AGBL4: variants seen among roughly 807,000 people sequenced by gnomAD.
The protein encoded by AGBL4 is AGBL carboxypeptidase 4.
AGBL4 carries 58 observed loss-of-function variants against 66.4 expected under a neutral mutation model. That is an observed-to-expected ratio of 0.87 (90% CI 0.71 to 1.09). The LOEUF is 1.09. AGBL4 is among the 50% of genes least tolerant of loss of function. The pLI is 0.00. For missense variants in AGBL4, 579 were observed against 631.0 expected, an observed-to-expected ratio of 0.92 and a Z score of 0.88; for synonymous variants, 234 against 222.9, an observed-to-expected ratio of 1.05 and a Z score of -0.44.
At chr1:49,888,046 G>A (rs988201298) in intron 1 of AGBL4, among the ~76,000 whole-genome samples, 4 of 152,070 alleles carry the variant, frequency 2.6e-5, no homozygotes, top group East Asian at 3.9e-4. Flanking sequence ...ATTTTCAGAC[G>A]GGAGGCTAGC....
chr1:49,401,841 T>C (rs981548585), intron 3 of AGBL4, among the ~76,000 whole-genome samples: 4 of 152,194 alleles, frequency 2.6e-5, no homozygotes, highest in Admixed American at 6.5e-5. Context: ...GTTTTTATTA[T>C]GGCTTTGATT....
In AGBL4 at chr1:50,001,169, A is replaced by G. The variant is rs1014048930; in HGVS notation, c.34+22594T>C. ...TATGACCACATGTGTATATATATAT[A>G]TATGCACACTAAGTGTAAAATATTT... On this transcript the variant is annotated intron_variant, in intron 1 of 13. Coordinates refer to ENST00000371839, the MANE Select transcript of AGBL4 (RefSeq NM_032785.4). 9.9e-5 allele frequency among the ~76,000 whole-genome samples: 15 copies of G among 151,366 alleles called. No homozygotes were observed. In the South Asian group the frequency reaches 2.9e-3, roughly 29 times the overall value.
intron 6 of AGBL4, among the ~76,000 whole-genome samples, chr1:48,766,525 A>C (rs1364543265): frequency 6.6e-6 from 1 of 152,230 alleles, no homozygotes; most frequent in Non-Finnish European, 1.5e-5. Flanking sequence ...AACCATCACC[A>C]GGCACAACAG....
At chr1:49,931,980 C>A (rs1003209329) in intron 1 of AGBL4, among the ~76,000 whole-genome samples, 1 of 152,038 alleles carries the variant, frequency 6.6e-6, no homozygotes, top group Admixed American at 6.5e-5. Flanking sequence ...CGACATGAAA[C>A]TCAAGAAAAA....
intron 3 of AGBL4, among the ~76,000 whole-genome samples, chr1:49,518,387 C>A (rs1385524325): frequency 6.6e-6 from 1 of 152,078 alleles, no homozygotes; most frequent in African/African-American, 2.4e-5. Flanking sequence ...ATTTATTGAG[C>A]ATTTCCATTA....
chr1:48,628,911 C>T (rs1011371535), intron 9 of AGBL4, among the ~76,000 whole-genome samples: 1 of 145,758 alleles, frequency 6.9e-6, no homozygotes, highest in African/African-American at 2.6e-5. Context: ...TTCCTAACTG[C>T]CTGGAATTAA....
At chr1:48,688,270 T>C (rs1646566343) in intron 6 of AGBL4, among the ~76,000 whole-genome samples, 2 of 152,244 alleles carry the variant, frequency 1.3e-5, no homozygotes, top group Middle Eastern at 3.4e-3. Context: ...CTCACTCCAC[T>C]CAGTCTGGGC....
chr1:49,664,183 G>A (rs1230543029), intron 3 of AGBL4, among the ~76,000 whole-genome samples: 1 of 151,902 alleles, frequency 6.6e-6, no homozygotes, highest in Admixed American at 6.6e-5. Context: ...TAGGAAAAAA[G>A]CACAACACAT....
At chr1:48,570,154 G>A (rs911029418) in intron 11 of AGBL4, among the ~76,000 whole-genome samples, 2 of 152,206 alleles carry the variant, frequency 1.3e-5, no homozygotes, top group South Asian at 2.1e-4. Context: ...GTTCCTTCTT[G>A]TCCTGCTCTG....
At chr1:49,048,868 G>C (rs1644144626) in intron 4 of AGBL4, among the ~76,000 whole-genome samples, 2 of 151,512 alleles carry the variant, frequency 1.3e-5, no homozygotes, top group South Asian at 4.2e-4. Context: ...ATTAAGCCTA[G>C]GCCAGTGTGG....
intron 6 of AGBL4, among the ~76,000 whole-genome samples, chr1:48,734,636 C>G (rs1341753279): frequency 6.6e-6 from 1 of 152,216 alleles, no homozygotes; most frequent in East Asian, 1.9e-4. Context: ...AGCCTTCATA[C>G]CTGCTGCTTA....
intron 3 of AGBL4, among the ~76,000 whole-genome samples, chr1:49,637,084 G>T (rs560283117): frequency 6.6e-6 from 1 of 152,132 alleles, no homozygotes; most frequent in Non-Finnish European, 1.5e-5. Flanking sequence ...GATGCTTCCT[G>T]CCCTTGAACA....
intron 5 of AGBL4, among the ~76,000 whole-genome samples, chr1:48,965,229 G>C (rs947574736): frequency 6.6e-6 from 1 of 152,126 alleles, no homozygotes; most frequent in African/African-American, 2.4e-5. Context: ...GCAAAGATAA[G>C]AGAACATTTA....
intron 2 of AGBL4, among the ~76,000 whole-genome samples, chr1:49,716,707 G>T (rs544255611): frequency 1.3e-4 from 20 of 152,172 alleles, no homozygotes; most frequent in East Asian, 1.2e-3. Context: ...TGCAGAAATG[G>T]CATTCAACAA....
intron 6 of AGBL4, among the ~76,000 whole-genome samples, chr1:48,795,690 T>C (rs1392760238): frequency 6.6e-6 from 1 of 152,220 alleles, no homozygotes; most frequent in Non-Finnish European, 1.5e-5. Context: ...TCTTGCTCCA[T>C]TGTCCAGGCT....
chr1:49,563,800 G>C (rs1308343449), intron 3 of AGBL4, among the ~76,000 whole-genome samples: 1 of 152,046 alleles, frequency 6.6e-6, no homozygotes, highest in Non-Finnish European at 1.5e-5. Flanking sequence ...CCCGGCTTTG[G>C]TATCAGGATG....
intron 3 of AGBL4, among the ~76,000 whole-genome samples, chr1:49,272,566 C>CAT (rs1182833541): frequency 1.3e-5 from 2 of 152,110 alleles, no homozygotes; most frequent in African/African-American, 4.8e-5. Context: ...CTGTACTTTA[C>CAT]ATATATATTT....
At chr1:49,718,651 T>A (rs1450463269) in intron 2 of AGBL4, among the ~76,000 whole-genome samples, 1 of 152,122 alleles carries the variant, frequency 6.6e-6, no homozygotes, top group Non-Finnish European at 1.5e-5. Context: ...AAACTGCATA[T>A]GTAAAAATTC....
rs896601419 is a variant in AGBL4, at chr1:49,343,765, G to A, written c.283-97901C>T. Among the ~76,000 whole-genome samples, 4 of 152,168 alleles carry A rather than the reference G, an allele frequency of 2.6e-5. No individual in the cohort carries two copies. In the East Asian group the frequency reaches 5.8e-4, roughly 22 times the overall value. On this transcript the variant is annotated intron_variant, in intron 3 of 13. Transcript: ENST00000371839. ...TGTGTATTTATGTGTCATGTGTGAA[G>A]TTTTGCTTTCAAAATATGTGAATGA...
Sources: allele counts gnomAD v4.1 joint callset (sites outside exome capture counted in the v4.1 genomes callset), GRCh38; gene constraint gnomAD v4.1.1; transcripts MANE v1.5; gene names NCBI Gene and HGNC (gene_info 2026-07-23, HGNC 2026-07-21).